Variants in GABRB3 observed in about 807,000 individuals in gnomAD.
The protein encoded by GABRB3 is gamma-aminobutyric acid type A receptor subunit beta3.
In GABRB3, 14 loss-of-function variants were observed where a neutral mutation model predicts 52.1. That is an observed-to-expected ratio of 0.27 (90% confidence interval 0.18 to 0.42). The LOEUF (loss-of-function observed/expected upper bound fraction) is 0.42. Ranked by LOEUF, GABRB3 falls within the 10% of genes least tolerant of loss-of-function variation. GABRB3 has a pLI of 1.00. For synonymous variants in GABRB3, 260 were observed against 232.3 expected (o/e 1.12, Z -1.08); for missense variants, 307 against 609.1 (o/e 0.50, Z 5.22).
Position 26,547,640 on chromosome 15 carries a change from T to C in GABRB3, c.*153A>G, listed in dbSNP as rs1889306400. 7.7e-6 allele frequency: 5 copies of C among 646,272 alleles called. No individual in the cohort carries two copies. The highest frequency in any genetic ancestry group is 2.7e-5 in the East Asian group (1 of 36,848). The allele number at this position is 646,272 out of a possible 1,614,324, so 40.0% of individuals were successfully genotyped here. On this transcript the variant is annotated 3_prime_UTR_variant, in exon 9 of 9. Transcript: ENST00000311550. ...CATATACACGTGTATTTTATATATA[T>C]GCTGAGAAAGTTCACATATATATAC...
chr15:26,662,946 A>C (rs1014783649), intron 3 of GABRB3, among the ~76,000 whole-genome samples: 3 of 152,228 alleles, frequency 2.0e-5, no homozygotes, highest in Admixed American at 2.0e-4. Context: ...CCCCATGCCC[A>C]GTGTCCCCCA....
At chr15:26,678,221 T>A (rs1751032216) in intron 3 of GABRB3, among the ~76,000 whole-genome samples, 1 of 152,206 alleles carries the variant, frequency 6.6e-6, no homozygotes, top group Non-Finnish European at 1.5e-5. Flanking sequence ...ATTCTCATTA[T>A]GATTTGGCCT....
intron 3 of GABRB3, among the ~76,000 whole-genome samples, chr15:26,722,835 T>C (rs1306259641): frequency 6.6e-6 from 1 of 152,160 alleles, no homozygotes; most frequent in South Asian, 2.1e-4. Flanking sequence ...CCCCGTGCCA[T>C]AGCCAAGCCC....
intron 3 of GABRB3, among the ~76,000 whole-genome samples, chr15:26,677,055 G>A (rs1373863852): frequency 6.6e-6 from 1 of 152,132 alleles, no homozygotes; most frequent in Non-Finnish European, 1.5e-5. Flanking sequence ...TGAAATGGTA[G>A]CACATGGAAT....
In GABRB3 at chr15:26,545,023, TA is replaced by T. The variant is rs1889175668; in HGVS notation, c.*2769del. 6.6e-6 allele frequency: 1 copy of T among 152,542 alleles called. No homozygotes were observed. The highest frequency in any genetic ancestry group is 2.1e-4 in the South Asian group (1 of 4,830). 9.4% of individuals were successfully genotyped at this position (152,542 alleles called of 1,614,324 possible). ...AGACTCCAATTCAACTCTCTTCTGTTAACACAGTCAGAGTTCTCTTCTCAAT... is the reference window on the plus strand; with the variant it reads ...AGACTCCAATTCAACTCTCTTCTGTTACACAGTCAGAGTTCTCTTCTCAAT... On this transcript the variant is annotated 3_prime_UTR_variant, in exon 9 of 9. Coordinates refer to ENST00000311550, the MANE Select transcript of GABRB3 (RefSeq NM_000814.6).
chr15:26,697,266 C>T (rs1225303604), intron 3 of GABRB3, among the ~76,000 whole-genome samples: 2 of 152,122 alleles, frequency 1.3e-5, no homozygotes, highest in African/African-American at 2.4e-5. Flanking sequence ...GTAAGCTTTT[C>T]CTTATTATTA....
chr15:26,574,848 A>C (rs913187160), intron 6 of GABRB3, among the ~76,000 whole-genome samples: 3 of 152,196 alleles, frequency 2.0e-5, no homozygotes, highest in South Asian at 2.1e-4. Context: ...ACTAAACACC[A>C]CTGAATGTGC....
intron 3 of GABRB3, among the ~76,000 whole-genome samples, chr15:26,753,696 G>T (rs1890578887): frequency 6.6e-6 from 1 of 152,188 alleles, no homozygotes; most frequent in Non-Finnish European, 1.5e-5. Context: ...AAGATTAAAG[G>T]AAAGAACCTG....
intron 3 of GABRB3, among the ~76,000 whole-genome samples, chr15:26,745,875 T>G (rs1002765667): frequency 6.6e-6 from 1 of 152,196 alleles, no homozygotes; most frequent in Non-Finnish European, 1.5e-5. Flanking sequence ...TTGTTTCCAG[T>G]TTCAGGCTAT....
At chr15:26,685,699 T>C (rs1346664436) in intron 3 of GABRB3, among the ~76,000 whole-genome samples, 3 of 152,018 alleles carry the variant, frequency 2.0e-5, no homozygotes, top group Non-Finnish European at 4.4e-5. Context: ...CTAGTGATAG[T>C]AGGAGTGGGC....
intron 4 of GABRB3, among the ~76,000 whole-genome samples, chr15:26,604,310 A>G (rs1891699426): frequency 6.6e-6 from 1 of 152,190 alleles, no homozygotes; most frequent in African/African-American, 2.4e-5. Flanking sequence ...ATGGATTGGA[A>G]GAATCATTAT....
chr15:26,773,003 C>G lies in GABRB3; in HGVS notation c.-41G>C. On this transcript the variant is annotated 5_prime_UTR_variant, in exon 1 of 9. Transcript: ENST00000311550. ...CGGCACGGGGGAGGGGGCGCCCCGC[C>G]GCCGTCGCGACCCGCAGCCGGGGCT... The G allele has an allele frequency of 3.0e-6, 4 of 1,322,476 alleles. No homozygotes were observed. Among genetic ancestry groups the G allele is most frequent in the Non-Finnish European group, 3.9e-6 (4 of 1,026,478 alleles). 81.9% of individuals were successfully genotyped at this position (1,322,476 alleles called of 1,614,324 possible).
intron 3 of GABRB3, among the ~76,000 whole-genome samples, chr15:26,681,374 C>G (rs946498990): frequency 6.6e-6 from 1 of 152,170 alleles, no homozygotes; most frequent in East Asian, 1.9e-4. Flanking sequence ...GATATTCTGC[C>G]CCCCCGTATG....
chr15:26,648,286 G>T (rs1349034887), intron 3 of GABRB3, among the ~76,000 whole-genome samples: 1 of 152,092 alleles, frequency 6.6e-6, no homozygotes, highest in African/African-American at 2.4e-5. Context: ...TATCCTTAAG[G>T]TTCATCCATG....
chr15:26,553,095 A>C (rs1372637796), intron 8 of GABRB3, among the ~76,000 whole-genome samples: 1 of 152,228 alleles, frequency 6.6e-6, no homozygotes, highest in Admixed American at 6.5e-5. Flanking sequence ...TTTAAAATCT[A>C]TCTGATGTTG....
At chr15:26,564,101 T>C (rs753530352) in intron 7 of GABRB3, among the ~76,000 whole-genome samples, 6 of 152,226 alleles carry the variant, frequency 3.9e-5, no homozygotes, top group Middle Eastern at 3.4e-3. Flanking sequence ...CTGGAACGTT[T>C]TGAGCACCTC....
At chr15:26,670,286 C>T (rs1291608553) in intron 3 of GABRB3, among the ~76,000 whole-genome samples, 4 of 152,192 alleles carry the variant, frequency 2.6e-5, no homozygotes, top group Admixed American at 2.0e-4. Flanking sequence ...TAAGGGTAGG[C>T]GGGAAGAGGG....
chr15:26,739,808 T>C (rs999802883), intron 3 of GABRB3, among the ~76,000 whole-genome samples: 7 of 152,178 alleles, frequency 4.6e-5, no homozygotes, highest in African/African-American at 1.7e-4. Context: ...AATTGGACTA[T>C]CCATCGTTTA....
At chr15:26,720,228 C>G (rs1177525947) in intron 3 of GABRB3, among the ~76,000 whole-genome samples, 1 of 151,986 alleles carries the variant, frequency 6.6e-6, no homozygotes, top group Non-Finnish European at 1.5e-5. Context: ...TACCCCATCT[C>G]CCTTCACTGA....
Sources: gnomAD v4.1 joint callset for allele counts (sites outside exome capture counted in the v4.1 genomes callset) on GRCh38, gnomAD v4.1.1 for gene constraint, MANE v1.5 for transcripts, NCBI Gene and HGNC (gene_info 2026-07-23, HGNC 2026-07-21) for gene names.